Variants in IL23R observed in about 807,000 individuals in gnomAD.
IL23R encodes interleukin-23 receptor.
A neutral mutation model predicts 56.9 loss-of-function variants in IL23R; 34 were observed. That is an observed-to-expected ratio of 0.60 (90% confidence interval 0.45 to 0.80). IL23R has a LOEUF of 0.80. Among genes scored for constraint, IL23R ranks in the 30% least tolerant of loss-of-function variants. The pLI is 0.00. For missense variants in IL23R, 635 were observed against 730.0 expected, an observed-to-expected ratio of 0.87 and a Z score of 1.50; for synonymous variants, 230 against 249.2, an observed-to-expected ratio of 0.92 and a Z score of 0.73.
At chr1:67,242,859 T>A (rs1463571103) in intron 9 of IL23R, among the ~76,000 whole-genome samples, 2 of 152,190 alleles carry the variant, frequency 1.3e-5, no homozygotes, top group African/African-American at 2.4e-5. Context: ...CCAGAAAACA[T>A]GCATTGAAAG....
intron 5 of IL23R, among the ~76,000 whole-genome samples, chr1:67,206,367 G>A (rs1417276613): frequency 6.6e-6 from 1 of 151,888 alleles, no homozygotes; most frequent in Non-Finnish European, 1.5e-5. Context: ...GTGGAGTACA[G>A]TTGCACCATC....
At chr1:67,265,009 A>G in the IL23R span, among the ~76,000 whole-genome samples, 7 of 152,222 alleles carry the variant, frequency 4.6e-5, no homozygotes, top group African/African-American at 1.7e-4. Context: ...TTGGTTTAAA[A>G]ATTCAAGCAA....
At chr1:67,207,594 A>C in intron 6 of IL23R, 1 of 377,650 alleles carries the variant, frequency 2.6e-6, no homozygotes, top group Non-Finnish European at 5.1e-6. Flanking sequence ...CGTTTATCAG[A>C]GGTTTCCGCT....
At chr1:67,212,543 C>CT (rs71663275) in intron 6 of IL23R, among the ~76,000 whole-genome samples, 130,284 of 145,120 alleles carry the variant, frequency 0.9, 59,082 homozygotes, top group East Asian at 0.99. Context: ...GTCATGCAAT[C>CT]TTTTTTTTTT....
upstream of IL23R, among the ~76,000 whole-genome samples, chr1:67,164,373 C>CT (rs1421152267): frequency 2.6e-5 from 4 of 152,164 alleles, no homozygotes; most frequent in East Asian, 7.7e-4. Flanking sequence ...CGTCTCACGC[C>CT]TGTAATCCTA....
Position 67,259,183 on chromosome 1 carries a change from T to C in IL23R, c.*55T>C. 1 of 1,552,016 alleles carries C rather than the reference T, an allele frequency of 6.4e-7. No individual in the cohort carries two copies. Among genetic ancestry groups the C allele is most frequent in the Non-Finnish European group, 8.9e-7 (1 of 1,125,660 alleles). On this transcript the variant is annotated 3_prime_UTR_variant, in exon 11 of 11. Coordinates refer to ENST00000347310, the MANE Select transcript of IL23R (RefSeq NM_144701.3). ...GCTGCCTTGCAATCTGAACTTGGGT[T>C]TTCCCTGCAATAGAAATTGAATTCT... is the stretch of plus-strand genomic sequence containing the variant.
chr1:67,218,958 T>C (rs1558249622), intron 6 of IL23R, among the ~76,000 whole-genome samples: 3 of 150,580 alleles, frequency 2.0e-5, no homozygotes, highest in East Asian at 1.9e-4. Context: ...AATATATATA[T>C]ACACACACAC....
chr1:67,265,848 T>C, the IL23R span, among the ~76,000 whole-genome samples: 1 of 152,064 alleles, frequency 6.6e-6, no homozygotes, highest in Non-Finnish European at 1.5e-5. Flanking sequence ...CAACACCAGC[T>C]TCACAACATA....
chr1:67,259,138 G>C lies in IL23R; in HGVS notation c.*10G>C. The C allele has an allele frequency of 6.2e-7, 1 of 1,613,494 alleles. No individual in the cohort carries two copies. Among genetic ancestry groups the C allele is most frequent in the Non-Finnish European group, 8.5e-7 (1 of 1,179,692 alleles). The stretch of plus-strand genomic sequence containing the variant: ...ACTCTTGGAAAAGTAGAGCTGTGTG[G>C]TCAAAATCAATATGAGAAAGCTGCC... On this transcript the variant is annotated 3_prime_UTR_variant, in exon 11 of 11. Coordinates refer to ENST00000347310, the MANE Select transcript of IL23R (RefSeq NM_144701.3).
chr1:67,154,806 T>TA, intron 1 of IL23R, among the ~76,000 whole-genome samples: 1 of 152,182 alleles, frequency 6.6e-6, no homozygotes, highest in Non-Finnish European at 1.5e-5. Context: ...TTAATATTGT[T>TA]ATGTGTGAAT....
At chr1:67,141,160 T>A (rs1646633629) in intron 1 of IL23R, among the ~76,000 whole-genome samples, 1 of 152,200 alleles carries the variant, frequency 6.6e-6, no homozygotes, top group East Asian at 1.9e-4. Flanking sequence ...GAATGATTCT[T>A]TTAAGACAAA....
downstream of IL23R, among the ~76,000 whole-genome samples, chr1:67,263,570 C>A (rs1052628253): frequency 6.6e-6 from 1 of 152,080 alleles, no homozygotes; most frequent in Non-Finnish European, 1.5e-5. Context: ...TGGCATTGAG[C>A]AAAAGTTTTC....
intron 1 of IL23R, 137 bp from the exon 2 acceptor site, chr1:67,167,955 T>A (rs11465768): frequency 1.6e-6 from 1 of 615,176 alleles, no homozygotes; most frequent in Admixed American, 2.7e-5. Context: ...TTCCTTCCTT[T>A]CTTCCTTCCT....
At chr1:67,147,279 T>C (rs1646687869) in intron 1 of IL23R, among the ~76,000 whole-genome samples, 1 of 152,208 alleles carries the variant, frequency 6.6e-6, no homozygotes, top group African/African-American at 2.4e-5. Context: ...GTCAGTTCCA[T>C]AACAGGCCCC....
chr1:67,172,416 A>C (rs1389922486), intron 3 of IL23R, among the ~76,000 whole-genome samples: 1 of 152,196 alleles, frequency 6.6e-6, no homozygotes, highest in Non-Finnish European at 1.5e-5. Context: ...GCTGTGCTTT[A>C]ATGTATAATT....
At chr1:67,168,043 A>G (rs1001471908) in intron 1 of IL23R, 49 bp from the exon 2 acceptor site, 1 of 1,034,338 alleles carries the variant, frequency 9.7e-7, no homozygotes, top group Non-Finnish European at 1.5e-6. Context: ...GCTTTTTATT[A>G]TTTTACTAAA....
At chr1:67,192,311 T>C (rs1229722714) in intron 4 of IL23R, among the ~76,000 whole-genome samples, 1 of 152,224 alleles carries the variant, frequency 6.6e-6, no homozygotes, top group Admixed American at 6.5e-5. Context: ...GAAAGGTTTT[T>C]AGAAAGTCCT....
intron 1 of IL23R, among the ~76,000 whole-genome samples, chr1:67,143,852 G>A (rs997501059): frequency 6.6e-6 from 1 of 152,172 alleles, no homozygotes; most frequent in Non-Finnish European, 1.5e-5. Flanking sequence ...ATAAGTAAAT[G>A]TGTGTTTGTG....
chr1:67,230,943 T>A (rs1651061778), intron 7 of IL23R, among the ~76,000 whole-genome samples: 1 of 152,168 alleles, frequency 6.6e-6, no homozygotes, highest in African/African-American at 2.4e-5. Flanking sequence ...AACAGCTGAA[T>A]TATTAAAAGG....
Sources: allele counts gnomAD v4.1 joint callset (sites outside exome capture counted in the v4.1 genomes callset), GRCh38; gene constraint gnomAD v4.1.1; transcripts MANE v1.5; gene names NCBI Gene and HGNC (gene_info 2026-07-23, HGNC 2026-07-21).